DYRK4: variants seen among roughly 807,000 people sequenced by gnomAD.
DYRK4 encodes dual specificity tyrosine phosphorylation regulated kinase 4.
Under a neutral mutation model 68.3 loss-of-function variants are expected in DYRK4, and 64 were observed. That is an observed-to-expected ratio of 0.94 (90% CI 0.77 to 1.15). The LOEUF (loss-of-function observed/expected upper bound fraction) is 1.15, where lower values mean the gene tolerates loss of function less well. DYRK4 is among the 50% of genes most tolerant of loss of function. The pLI is 0.00. For synonymous variants in DYRK4, 274 were observed against 289.9 expected (o/e 0.95, Z 0.56); for missense variants, 740 against 764.7 (o/e 0.97, Z 0.38).
intron 2 of DYRK4, among the ~76,000 whole-genome samples, chr12:4,583,139 A>G (rs1271329141): frequency 6.6e-6 from 1 of 152,084 alleles, no homozygotes; most frequent in African/African-American, 2.4e-5. Flanking sequence ...TGAAAAAGAG[A>G]CAGAGTCTTG....
chr12:4,567,824 C>T (rs1944692661), intron 1 of DYRK4, 131 bp from the exon 2 acceptor site: 1 of 722,516 alleles, frequency 1.4e-6, no homozygotes, highest in Non-Finnish European at 2.3e-6. Flanking sequence ...AAGCAGGGAC[C>T]CTGCTCCTGC....
intron 1 of DYRK4, chr12:4,563,280 T>C (rs1248297197): frequency 2.5e-6 from 1 of 393,232 alleles, no homozygotes; most frequent in African/African-American, 2.1e-5. Context: ...TTGGTCCTTA[T>C]GGAGAAAGCA....
chr12:4,572,164 A>G (rs11063240), intron 2 of DYRK4, among the ~76,000 whole-genome samples: 62,833 of 152,096 alleles, frequency 0.41, 13,502 homozygotes, highest in Middle Eastern at 0.49. Context: ...CTTCATTTTC[A>G]CTGGCAGTTA....
At chr12:4,594,730 C>T (rs1304058836) in intron 6 of DYRK4, among the ~76,000 whole-genome samples, 4 of 146,732 alleles carry the variant, frequency 2.7e-5, no homozygotes, top group African/African-American at 5.1e-5. Flanking sequence ...TTGGTGAGGG[C>T]GTTGTGGGGA....
intron 10 of DYRK4, 27 bp downstream of exon 10, chr12:4,599,815 T>C (rs896594388): frequency 1.3e-6 from 2 of 1,597,648 alleles, no homozygotes; most frequent in East Asian, 4.5e-5. Context: ...TCCCATCATC[T>C]GAGTTTTCCT....
chr12:4,574,267 G>A (rs11063242), intron 2 of DYRK4, among the ~76,000 whole-genome samples: 68,781 of 148,694 alleles, frequency 0.46, 16,350 homozygotes, highest in Middle Eastern at 0.52. Flanking sequence ...GCAGTCCCAT[G>A]TGTGTCCCTC....
chr12:4,588,820 T>C, intron 2 of DYRK4, 117 bp from the exon 3 acceptor site: 1 of 907,882 alleles, frequency 1.1e-6, no homozygotes, highest in South Asian at 1.6e-5. Flanking sequence ...TCTTCCCAGC[T>C]AAGGATTCAG....
chr12:4,598,904 C>A, intron 8 of DYRK4, 124 bp from the exon 9 acceptor site: 1 of 1,116,858 alleles, frequency 9.0e-7, no homozygotes, highest in Non-Finnish European at 1.3e-6. Flanking sequence ...AAAGCCTTGC[C>A]TCCTGGCCTG....
chr12:4,596,397 TC>T, intron 7 of DYRK4, 112 bp downstream of exon 7: 1 of 1,548,442 alleles, frequency 6.5e-7, no homozygotes, highest in Non-Finnish European at 8.7e-7. Flanking sequence ...CCTTTTGTCT[TC>T]CCTTTTCTCT....
chr12:4,581,862 T>C (rs1944845588), intron 2 of DYRK4, among the ~76,000 whole-genome samples: 1 of 152,224 alleles, frequency 6.6e-6, no homozygotes. Context: ...AAAAGTGTTT[T>C]GAGTTTCAGA....
intron 2 of DYRK4, among the ~76,000 whole-genome samples, chr12:4,583,879 C>T (rs1003162786): frequency 1.1e-4 from 16 of 152,294 alleles, no homozygotes; most frequent in African/African-American, 3.9e-4. Flanking sequence ...CTGGTCCCAG[C>T]TCACTTTACG....
rs531851878 is a variant in DYRK4, at chr12:4,613,034, A to G, written c.1666+316A>G. Among the ~76,000 whole-genome samples, 25 of 152,160 alleles carry G rather than the reference A, an allele frequency of 1.6e-4. No individual in the cohort carries two copies. Among genetic ancestry groups the G allele is most frequent in the African/African-American group, 5.5e-4 (23 of 41,498 alleles). On this transcript the variant is annotated intron_variant, in intron 14 of 14. Transcript: ENST00000543431. The surrounding 1 kb of genome is among the most constrained non-coding windows in gnomAD (Gnocchi z 4.0). ...TTTTTGCCCCTTATTAGGATTTTCC[A>G]TTTTTCTCCTATAATCAATTTCCTT...
intron 2 of DYRK4, among the ~76,000 whole-genome samples, chr12:4,572,284 T>G (rs1288089430): frequency 6.6e-6 from 1 of 152,166 alleles, no homozygotes; most frequent in African/African-American, 2.4e-5. Context: ...GGTCATGGAC[T>G]TTTTTTTGTT....
Position 4,588,993 on chromosome 12 carries a change from C to T in DYRK4, c.189C>T (p.Ser63=), listed in dbSNP as rs1350308299. ...IQKPPSNIKN[S]RMTQVFHKNT... ...AGCCACCTTCCAATATCAAGAACTC[C>T]AGAATGACCCAAGTCTTTCATAAGG... The change falls in exon 3 of 15, where the codon TCC becomes TCT. Residue 63 remains serine (S), a synonymous_variant. Coordinates refer to ENST00000543431, the MANE Select transcript of DYRK4 (RefSeq NM_001394779.1). 5 of 1,535,948 alleles carry T rather than the reference C, an allele frequency of 3.3e-6. No homozygotes were observed. Among genetic ancestry groups the T allele is most frequent in the Non-Finnish European group, 4.4e-6 (5 of 1,146,894 alleles).
At chr12:4,610,053 A>C in intron 12 of DYRK4, 102 bp from the exon 13 acceptor site, 1 of 1,044,726 alleles carries the variant, frequency 9.6e-7, no homozygotes, top group Non-Finnish European at 1.4e-6. Context: ...AGTGTGTAAG[A>C]CAGAGAGCAA....
intron 2 of DYRK4, among the ~76,000 whole-genome samples, chr12:4,579,797 A>C (rs1944823373): frequency 6.6e-6 from 1 of 152,210 alleles, no homozygotes; most frequent in African/African-American, 2.4e-5. Context: ...GCACTATCAG[A>C]ATAAAAGCAT....
At chr12:4,580,656 C>T (rs914977120) in intron 2 of DYRK4, among the ~76,000 whole-genome samples, 4 of 152,204 alleles carry the variant, frequency 2.6e-5, no homozygotes, top group Non-Finnish European at 5.9e-5. Flanking sequence ...CACACCCCCT[C>T]CCTGCATGAA....
chr12:4,604,890 G>C (rs1565541800), intron 10 of DYRK4, 24 bp from the exon 11 acceptor site: 15 of 1,561,066 alleles, frequency 9.6e-6, no homozygotes, highest in Non-Finnish European at 1.2e-5. Context: ...GTCCCACGAG[G>C]TTTCTCTTAC....
chr12:4,572,062 C>A (rs1944735271), intron 2 of DYRK4, among the ~76,000 whole-genome samples: 1 of 152,322 alleles, frequency 6.6e-6, no homozygotes, highest in Non-Finnish European at 1.5e-5. Flanking sequence ...GAGAACAAAA[C>A]AGGCCGTAAA....
Sources: allele counts gnomAD v4.1 joint callset (sites outside exome capture counted in the v4.1 genomes callset), GRCh38; gene constraint gnomAD v4.1.1; non-coding constraint Gnocchi (gnomAD v3.1); transcripts MANE v1.5; gene names NCBI Gene and HGNC (gene_info 2026-07-23, HGNC 2026-07-21).